The following RASSF3 variants were observed in gnomAD, a reference collection of about 807,000 sequenced individuals.
RASSF3 encodes the protein Ras association domain family member 3, also known as ras association domain-containing protein 3.
In RASSF3, 19 loss-of-function variants were observed where a neutral mutation model predicts 19.9. That is an observed-to-expected ratio of 0.96 (90% confidence interval 0.67 to 1.40). The LOEUF (loss-of-function observed/expected upper bound fraction) is 1.40, where lower values mean the gene tolerates loss of function less well. Ranked by LOEUF, RASSF3 falls within the 40% of genes most tolerant of loss-of-function variation. The probability of loss-of-function intolerance (pLI) is 0.00; values close to 1 mark genes in which losing one functional copy is unlikely to be tolerated. For missense variants in RASSF3, 306 were observed against 289.8 expected, an observed-to-expected ratio of 1.06 and a Z score of -0.41; for synonymous variants, 110 against 104.2, an observed-to-expected ratio of 1.06 and a Z score of -0.34.
chr12:64,525,269 C>T (rs182994254), intron 1 of RASSF3, among the ~76,000 whole-genome samples: 5 of 151,862 alleles, frequency 3.3e-5, no homozygotes, highest in Admixed American at 1.3e-4. Flanking sequence ...AGTGAGACTC[C>T]GTGTCAAGAA....
chr12:64,507,936 G>A (rs1380291653), intron 1 of RASSF3, among the ~76,000 whole-genome samples: 1 of 152,144 alleles, frequency 6.6e-6, no homozygotes, highest in Non-Finnish European at 1.5e-5. Flanking sequence ...GGGAGTAGAT[G>A]ACCCCTCCAA....
chr12:64,636,695 T>C (rs1407313224), intron 1 of RASSF3, among the ~76,000 whole-genome samples: 1 of 151,754 alleles, frequency 6.6e-6, no homozygotes, highest in African/African-American at 2.4e-5. Context: ...GCGAAACCCC[T>C]GTCTCTACTA....
chr12:64,526,834 C>G (rs1868599166), intron 1 of RASSF3, among the ~76,000 whole-genome samples: 2 of 152,366 alleles, frequency 1.3e-5, no homozygotes, highest in East Asian at 3.9e-4. Flanking sequence ...GCGTGAGCCA[C>G]TGCACCTGGC....
chr12:64,630,812 T>A (rs1365319272), intron 1 of RASSF3, among the ~76,000 whole-genome samples: 1 of 152,080 alleles, frequency 6.6e-6, no homozygotes, highest in African/African-American at 2.4e-5. Flanking sequence ...TTGGGAGCCT[T>A]GGAAGATGGT....
chr12:64,689,206 C>T (rs377037669), intron 3 of RASSF3, among the ~76,000 whole-genome samples: 17 of 136,294 alleles, frequency 1.2e-4, no homozygotes, highest in South Asian at 2.4e-4. Flanking sequence ...TCACTACATG[C>T]GATTTGAAAT....
chr12:64,544,170 C>T (rs142441914), downstream of RASSF3, among the ~76,000 whole-genome samples: 214 of 152,222 alleles, frequency 1.4e-3, no homozygotes, highest in African/African-American at 5.0e-3. Context: ...TGAGCTGTAA[C>T]GCCCACCGTG....
Position 64,573,056 on chromosome 12 carries a change from A to G in RASSF3, c.294+31351A>G, listed in dbSNP as rs149499316. Among the ~76,000 whole-genome samples the G allele has an allele frequency of 1.4e-3, 207 of 152,284 alleles. 1 individual carries two copies. The highest frequency in any genetic ancestry group is 4.6e-3 in the African/African-American group (190 of 41,568). On this transcript the variant is annotated intron_variant, in intron 2 of 5. Coordinates refer to the RASSF3 transcript ENST00000637125. ...AGCCCAAAATGCAATTCCTATTTTT[A>G]AAAAGCTTTCTTCTTGCCAGGTATG...
rs117449726 is a variant in RASSF3, at chr12:64,648,931, G to A, written c.112-35856G>A. Among the ~76,000 whole-genome samples, 757 of 149,004 alleles carry A rather than the reference G, an allele frequency of 5.1e-3. 4 individuals carry two copies. The highest frequency in any genetic ancestry group is 7.9e-3 in the Non-Finnish European group (537 of 67,596). ...GGTGATCCTCACCCCTCAGCCTACCGAGTAGCTAGGACTATAGGTGTGTGC... is the reference window on the plus strand; with the variant it reads ...GGTGATCCTCACCCCTCAGCCTACCAAGTAGCTAGGACTATAGGTGTGTGC... On this transcript the variant is annotated intron_variant, in intron 1 of 4. Transcript: ENST00000542104.
At chr12:64,565,122 C>A (rs375930482) in intron 2 of RASSF3, among the ~76,000 whole-genome samples, 2 of 148,914 alleles carry the variant, frequency 1.3e-5, no homozygotes, top group African/African-American at 5.0e-5. Context: ...ACTAAACTGG[C>A]ACACTTAAGT....
intron 1 of RASSF3, among the ~76,000 whole-genome samples, chr12:64,682,820 C>A (rs776011277): frequency 6.6e-6 from 1 of 152,144 alleles, no homozygotes; most frequent in Admixed American, 6.6e-5. Flanking sequence ...CAGAAAGAGG[C>A]GTGTTTACAA....
chr12:64,633,473 T>A (rs1159778155), intron 1 of RASSF3, among the ~76,000 whole-genome samples: 2 of 152,152 alleles, frequency 1.3e-5, no homozygotes, highest in Non-Finnish European at 2.9e-5. Context: ...TTGTTCCCTC[T>A]CCTGCCATGT....
rs1344084178 is a variant in RASSF3 at position 64,696,003 on chromosome 12, T to A, written c.*1091T>A. On this transcript the variant is annotated 3_prime_UTR_variant, in exon 5 of 5. Coordinates refer to ENST00000542104, the MANE Select transcript of RASSF3 (RefSeq NM_178169.4). Reference sequence around the variant, plus strand: ...GTAAACTTTGGTGACAATCACTCTCTTCCCTTTTATTCCTCCTTTCCTTTT... The same window carrying A: ...GTAAACTTTGGTGACAATCACTCTCATCCCTTTTATTCCTCCTTTCCTTTT... 1 of 152,108 alleles carries A rather than the reference T, an allele frequency of 6.6e-6. No homozygotes were observed. The highest frequency in any genetic ancestry group is 2.4e-5 in the African/African-American group (1 of 41,402). 9.4% of individuals were successfully genotyped at this position (152,108 alleles called of 1,614,324 possible). A position where few individuals can be genotyped will look rare whatever the true frequency, so the allele number is the denominator to read the frequency against.
intron 1 of RASSF3, among the ~76,000 whole-genome samples, chr12:64,511,696 T>C (rs2136097990): frequency 6.6e-6 from 1 of 152,294 alleles, no homozygotes; most frequent in African/African-American, 2.4e-5. Flanking sequence ...TTCCAAATCA[T>C]TACTAATGCC....
intron 1 of RASSF3, among the ~76,000 whole-genome samples, chr12:64,525,674 G>A (rs1868569212): frequency 6.6e-6 from 1 of 152,172 alleles, no homozygotes; most frequent in East Asian, 1.9e-4. Flanking sequence ...TGGCAGTGGT[G>A]AGCGTGGGCG....
At chr12:64,684,438 T>TGTTTG (rs201197785) in intron 1 of RASSF3, among the ~76,000 whole-genome samples, 2 of 149,404 alleles carry the variant, frequency 1.3e-5, no homozygotes, top group African/African-American at 2.5e-5. Flanking sequence ...TTTGTTTGTT[T>TGTTTG]TTTTTTTTTG....
At chr12:64,594,522 A>G (rs1272473474) in intron 2 of RASSF3, among the ~76,000 whole-genome samples, 2 of 152,166 alleles carry the variant, frequency 1.3e-5, no homozygotes, top group Non-Finnish European at 2.9e-5. Context: ...CCTTTACTTA[A>G]AAGGTAATGA....
intron 2 of RASSF3, among the ~76,000 whole-genome samples, chr12:64,601,062 A>C (rs1870083549): frequency 6.6e-6 from 1 of 152,080 alleles, no homozygotes; most frequent in African/African-American, 2.4e-5. Flanking sequence ...CCACAGTAGG[A>C]GGACTGCTGG....
In RASSF3 at chr12:64,642,559, CAAAAAAAAAA is replaced by C. The variant is rs67771603; in HGVS notation, c.111+31836_111+31845del. 2.5e-3 allele frequency among the ~76,000 whole-genome samples: 111 copies of C among 44,022 alleles called. 1 individual carries two copies. The highest frequency in any genetic ancestry group is 7.2e-3 in the African/African-American group (91 of 12,600). 28.9% of individuals were successfully genotyped at this position (44,022 alleles called of 152,430 possible). A position where few individuals can be genotyped will look rare whatever the true frequency, so the allele number is the denominator to read the frequency against. On this transcript the variant is annotated intron_variant, in intron 1 of 4. Coordinates refer to ENST00000542104, the MANE Select transcript of RASSF3 (RefSeq NM_178169.4). The stretch of plus-strand genomic sequence containing the variant: ...TGGGCGACAGAACGAGACTCCATCT[CAAAAAAAAAA>C]AAAAAAAAAAAAAAAAAAAGATTCA...
chr12:64,682,417 A>G (rs1320844906), intron 1 of RASSF3, among the ~76,000 whole-genome samples: 1 of 151,990 alleles, frequency 6.6e-6, no homozygotes, highest in Non-Finnish European at 1.5e-5. Context: ...TAAAAATACA[A>G]TTAGCCGGGC....
Sources: gnomAD v4.1 joint callset for allele counts (sites outside exome capture counted in the v4.1 genomes callset) on GRCh38, gnomAD v4.1.1 for gene constraint, MANE v1.5 for transcripts, NCBI Gene and HGNC (gene_info 2026-07-23, HGNC 2026-07-21) for gene names.